Variants in NBPF12 observed in about 807,000 individuals in gnomAD.
NBPF12 encodes the protein NBPF family member NBPF12.
In NBPF12, 115 loss-of-function variants were observed where a neutral mutation model predicts 146.4. The observed-to-expected ratio is 0.79, with a 90% CI of 0.68 to 0.92. NBPF12 has a LOEUF of 0.92. Among genes scored for constraint, NBPF12 ranks in the 40% least tolerant of loss-of-function variants. NBPF12 has a pLI of 0.00. For synonymous variants in NBPF12, 385 were observed against 508.9 expected (o/e 0.76, Z 3.28); for missense variants, 1,205 against 1,326.8 (o/e 0.91, Z 1.43).
chr1:146,980,625 A>G (rs1440761212), intron 19 of NBPF12, among the ~76,000 whole-genome samples: 4 of 152,036 alleles, frequency 2.6e-5, no homozygotes, highest in African/African-American at 9.7e-5. Context: ...TTTCTTTAAG[A>G]ATGTTGAAGG....
chr1:146,981,098 G>C (rs1329722592), intron 19 of NBPF12, among the ~76,000 whole-genome samples: 1 of 133,674 alleles, frequency 7.5e-6, no homozygotes, highest in Non-Finnish European at 1.6e-5. Flanking sequence ...CAAGGACACA[G>C]GAAGGGGAAC....
intron 12 of NBPF12, 59 bp downstream of exon 15, chr1:146,970,778 G>A (rs1656552986): frequency 4.8e-6 from 6 of 1,251,516 alleles, no homozygotes; most frequent in East Asian, 2.3e-5. Context: ...TGTCTAGGAG[G>A]CATGCCCTCT....
chr1:146,987,460 C>T (rs1424742209), intron 25 of NBPF12, among the ~76,000 whole-genome samples, 175 bp downstream of exon 28: 19 of 152,188 alleles, frequency 1.2e-4, no homozygotes, highest in African/African-American at 4.3e-4. Context: ...CCATTTCTTC[C>T]TCCCCTTATC....
At chr1:146,954,857 G>A (rs1381032401) in intron 2 of NBPF12, among the ~76,000 whole-genome samples, 6 of 141,924 alleles carry the variant, frequency 4.2e-5, no homozygotes, top group South Asian at 4.6e-4. Context: ...TTGATTCTTA[G>A]GACATATATA....
intron 8 of NBPF12, among the ~76,000 whole-genome samples, chr1:146,966,195 G>C (rs1656195269): frequency 6.6e-6 from 1 of 151,960 alleles, no homozygotes; most frequent in Non-Finnish European, 1.5e-5. Flanking sequence ...CCACTCATGG[G>C]ATAAAAATCT....
intron 13 of NBPF12, among the ~76,000 whole-genome samples, chr1:146,971,714 G>A (rs1336458253): frequency 1.1e-4 from 16 of 150,560 alleles, no homozygotes; most frequent in African/African-American, 3.5e-4. Context: ...CGGCTAACAC[G>A]ATCCTCCCAC....
intron 1 of NBPF12, among the ~76,000 whole-genome samples, chr1:146,939,724 T>A (rs1654710668): frequency 6.6e-6 from 1 of 151,916 alleles, no homozygotes; most frequent in South Asian, 2.1e-4. Context: ...GTGGAGCTGC[T>A]TTCGAAAGAA....
intron 11 of NBPF12, 94 bp from the exon 15 acceptor site, chr1:146,970,553 A>C (rs1386577731): frequency 6.8e-7 from 1 of 1,475,254 alleles, no homozygotes; most frequent in Non-Finnish European, 9.4e-7. Context: ...ATGCTGAACC[A>C]TACATAGATG....
At chr1:146,965,976 T>C (rs1301032295) in intron 8 of NBPF12, among the ~76,000 whole-genome samples, 1 of 151,336 alleles carries the variant, frequency 6.6e-6, no homozygotes, top group East Asian at 1.9e-4. Flanking sequence ...TCATGTTACT[T>C]GGCGCTTGTA....
At chr1:146,964,906 G>C (rs1196306018) in exon 8 of NBPF12, 3 of 1,582,446 alleles carry the variant, frequency 1.9e-6, no homozygotes, top group Non-Finnish European at 2.6e-6. Flanking sequence ...GGTGCAGAAG[G>C]CTGAAGAGAG....
chr1:146,980,255 T>A (rs1350268894), intron 19 of NBPF12, among the ~76,000 whole-genome samples: 1 of 152,084 alleles, frequency 6.6e-6, no homozygotes, highest in African/African-American at 2.4e-5. Context: ...CGATGGGTCT[T>A]GACTCTTTAT....
intron 9 of NBPF12, 30 bp downstream of exon 12, chr1:146,966,703 G>T: frequency 8.5e-7 from 1 of 1,170,012 alleles, no homozygotes; most frequent in Non-Finnish European, 1.3e-6. Flanking sequence ...CATCACGAAA[G>T]TGATGAACAA....
At chr1:146,968,786 T>C (rs1480863131) in intron 10 of NBPF12, among the ~76,000 whole-genome samples, 1 of 151,494 alleles carries the variant, frequency 6.6e-6, no homozygotes, top group African/African-American at 2.4e-5. Context: ...ATTGTTGATG[T>C]GAAATTTACA....
chr1:146,994,538 A>T, exon 34 of NBPF12: 2 of 1,609,604 alleles, frequency 1.2e-6, no homozygotes, highest in Non-Finnish European at 1.7e-6. Flanking sequence ...ACAAGTCTCC[A>T]CCTGGTCTTC....
chr1:146,944,935 C>A (rs1379344575), upstream of NBPF12, among the ~76,000 whole-genome samples: 2 of 105,322 alleles, frequency 1.9e-5, no homozygotes, highest in African/African-American at 8.2e-5. Flanking sequence ...TGCCTCCCTC[C>A]CTCCCTCCCT....
At chr1:146,970,617 A>T in intron 11 of NBPF12, 30 bp from the exon 15 acceptor site, 1 of 1,569,466 alleles carries the variant, frequency 6.4e-7, no homozygotes, top group South Asian at 1.1e-5. Context: ...TGAAGTGGAA[A>T]ATATCTGAAC....
At chr1:146,961,671 C>A (rs1655859319) in intron 4 of NBPF12, among the ~76,000 whole-genome samples, 1 of 151,956 alleles carries the variant, frequency 6.6e-6, no homozygotes, top group African/African-American at 2.4e-5. Context: ...ATTCTTAAAA[C>A]CATATCTGAA....
At chr1:146,952,338 G>A (rs1369186959) in intron 2 of NBPF12, among the ~76,000 whole-genome samples, 2 of 152,062 alleles carry the variant, frequency 1.3e-5, no homozygotes, top group Non-Finnish European at 2.9e-5. Context: ...GGTTCTCTGT[G>A]AGCATCTCTT....
intron 19 of NBPF12, among the ~76,000 whole-genome samples, chr1:146,980,221 A>G (rs1473866456): frequency 2.0e-5 from 3 of 151,954 alleles, no homozygotes; most frequent in African/African-American, 7.3e-5. Flanking sequence ...TGCATGTGAG[A>G]TGGGTTTTCT....
Sources: gnomAD v4.1 joint callset for allele counts (sites outside exome capture counted in the v4.1 genomes callset) on GRCh38, gnomAD v4.1.1 for gene constraint, MANE v1.5 for transcripts, NCBI Gene and HGNC (gene_info 2026-07-23, HGNC 2026-07-21) for gene names.